The following HNRNPUL2 variants were observed in gnomAD, a reference collection of about 807,000 sequenced individuals.
HNRNPUL2 encodes the protein heterogeneous nuclear ribonucleoprotein U like 2, also known as heterogeneous nuclear ribonucleoprotein U-like protein 2.
HNRNPUL2 carries 27 observed loss-of-function variants against 102.2 expected under a neutral mutation model. The observed-to-expected ratio is 0.26, with a 90% CI of 0.19 to 0.36. HNRNPUL2 has a LOEUF of 0.36. Among genes scored for constraint, HNRNPUL2 ranks in the 10% least tolerant of loss-of-function variants. The pLI, the probability that HNRNPUL2 is intolerant of heterozygous loss-of-function variation, is 1.00. For synonymous variants in HNRNPUL2, 458 were observed against 387.2 expected (o/e 1.18, Z -2.15); for missense variants, 936 against 981.1 (o/e 0.95, Z 0.61).
chr11:62,721,946 CA>C lies in HNRNPUL2; in HGVS notation c.1360-5del, dbSNP rs994263944. ...GTAGTCCCACCATCAGAATCACCTG[CA>C]AAAAACAGAACCAGAAATATAATGA... On this transcript the variant is annotated splice_region_variant and splice_polypyrimidine_tract_variant and intron_variant, in intron 7 of 13. Coordinates refer to ENST00000301785, the MANE Select transcript of HNRNPUL2 (RefSeq NM_001079559.3). The C allele has an allele frequency of 6.2e-7, 1 of 1,609,960 alleles. No individual in the cohort carries two copies. Among genetic ancestry groups the C allele is most frequent in the East Asian group, 2.2e-5 (1 of 44,872 alleles).
chr11:62,712,710 CAG>C lies in HNRNPUL2; in HGVS notation c.*2587_*2588del, dbSNP rs998047356. The C allele has an allele frequency of 3.3e-5, 5 of 152,094 alleles. No homozygotes were observed. The highest frequency in any genetic ancestry group is 3.3e-4 in the Admixed American group (5 of 15,278). The allele number at this position is 152,094 out of a possible 1,614,324, so 9.4% of individuals were successfully genotyped here. ...TTTCGCCAGAATGGTGTAATGAGAA[CAG>C]GGGAGGAAAAAGTTACAGATGTAAA... On this transcript the variant is annotated 3_prime_UTR_variant, in exon 14 of 14. Transcript: ENST00000301785.
chr11:62,720,224 A>C (rs1175249249), intron 9 of HNRNPUL2, 33 bp from the exon 10 acceptor site: 1 of 1,601,748 alleles, frequency 6.2e-7, no homozygotes, highest in South Asian at 1.1e-5. Context: ...ATGTTTAGGA[A>C]GAAAATTATC....
chr11:62,723,694 C>T lies in HNRNPUL2; in HGVS notation c.784G>A (p.Asp262Asn). ...TSDLHFQVSK[D>N]RYGGQPLFSE... Reference sequence around the variant, plus strand: ...AAAAGTGGCTGCCCTCCATAGCGGTCTTTGCTCACTTGAAAATGCAGATCC... The same window carrying T: ...AAAAGTGGCTGCCCTCCATAGCGGTTTTTGCTCACTTGAAAATGCAGATCC... The change falls in exon 4 of 14, where the codon GAC becomes AAC. Residue 262 changes from aspartate to asparagine, a missense_variant. Around this residue, in one of 2 missense-constraint regions of HNRNPUL2, gnomAD observed 609 missense variants for 713.0 expected, o/e 0.85. Transcript: ENST00000301785. The T allele has an allele frequency of 6.2e-7, 1 of 1,614,182 alleles. No individual in the cohort carries two copies. Among genetic ancestry groups the T allele is most frequent in the Non-Finnish European group, 8.5e-7 (1 of 1,180,032 alleles).
chr11:62,726,992 C>G lies in HNRNPUL2; in HGVS notation c.165G>C (p.Gly55=). 1 of 1,360,340 alleles carries G rather than the reference C, an allele frequency of 7.4e-7. No homozygotes were observed. The highest frequency in any genetic ancestry group is 9.4e-7 in the Non-Finnish European group (1 of 1,060,894). 84.3% of individuals were successfully genotyped at this position (1,360,340 alleles called of 1,614,324 possible). ...CAGGCCGAGGCTCCGCCTTGCAGGC[C>G]CCGCCGGGCCCGGCCCCGCCGCCGC... The part of the protein sequence containing the change: ...EAGGGGAGPG[G]ACKAEPRPVA... Residue 55 remains glycine, a synonymous_variant, in exon 1 of 14, where the codon GGG becomes GGC. Transcript: ENST00000301785.
At chr11:62,726,336 C>G (rs2083746156) in intron 1 of HNRNPUL2, among the ~76,000 whole-genome samples, 1 of 152,222 alleles carries the variant, frequency 6.6e-6, no homozygotes, top group South Asian at 2.1e-4. Context: ...CCGTGGGAGA[C>G]TGTTCCACAG....
chr11:62,723,139 G>C (rs1294139574), intron 4 of HNRNPUL2, among the ~76,000 whole-genome samples: 1 of 152,234 alleles, frequency 6.6e-6, no homozygotes, highest in Non-Finnish European at 1.5e-5. Context: ...TGATTGGACA[G>C]AAGTCCAGTA....
Position 62,724,420 on chromosome 11 carries a change from T to TCATCTC in HNRNPUL2, c.539_544dup (p.Gly180_Asp181dup), listed in dbSNP as rs1178530576. The TCATCTC allele has an allele frequency of 1.2e-6, 2 of 1,614,072 alleles. No individual in the cohort carries two copies. The highest frequency in any genetic ancestry group is 1.7e-5 in the Admixed American group (1 of 59,998). ...TGGTTTTGACTTTTCACTATCCTGG[T>TCATCTC]CATCTCCTACAAAAACGAGGGAAAG... On this transcript the variant is annotated inframe_insertion, in exon 2 of 14. Transcript: ENST00000301785.
chr11:62,719,018 G>A lies in HNRNPUL2; in HGVS notation c.1780+1005C>T, dbSNP rs570808832. Among the ~76,000 whole-genome samples the A allele has an allele frequency of 1.8e-3, 269 of 152,094 alleles. 1 individual carries two copies. The highest frequency in any genetic ancestry group is 5.9e-3 in the African/African-American group (243 of 41,518). On this transcript the variant is annotated intron_variant, in intron 10 of 13. Transcript: ENST00000301785. ...TTTTTTTGTATTTTTAGTAGAGACA[G>A]GGTTTCACCATCTTGGCCAGGCTGG...
At position 62,723,628 on chromosome 11, in the gene HNRNPUL2, T is replaced by C. The variant is rs758282858; in HGVS notation, c.850A>G (p.Thr284Ala). The change falls in exon 4 of 14, where the codon ACT becomes GCT. Residue 284 changes from threonine (T) to alanine (A), a missense_variant. Transcript: ENST00000301785. ...FPTLWSGARS[T>A]YGVTKGKVCF... is the part of the protein sequence containing the mutation. ...ACTTTTCCCTTTGTCACTCCGTAAG[T>C]ACTCCTTGCCCCAGACCAAAGGGTG... is the stretch of plus-strand genomic sequence containing the variant. 3 of 1,613,902 alleles carry C rather than the reference T, an allele frequency of 1.9e-6. No homozygotes were observed. Among genetic ancestry groups the C allele is most frequent in the African/African-American group, 2.7e-5 (2 of 74,930 alleles).
chr11:62,716,883 T>C (rs2083664257), intron 11 of HNRNPUL2, 106 bp downstream of exon 11: 2 of 1,119,808 alleles, frequency 1.8e-6, no homozygotes, highest in Middle Eastern at 3.0e-4. Flanking sequence ...CACTTCCGTA[T>C]TGTTAATGAC....
At chr11:62,716,096 C>G (rs2083658219) in intron 11 of HNRNPUL2, among the ~76,000 whole-genome samples, 159 bp from the exon 12 acceptor site, 2 of 152,162 alleles carry the variant, frequency 1.3e-5, no homozygotes, top group South Asian at 2.1e-4. Context: ...CAGCCAGGAA[C>G]TTTTAAAAAG....
Position 62,720,027 on chromosome 11 carries a change from C to A in HNRNPUL2, c.1776G>T (p.Met592Ile). The A allele has an allele frequency of 6.2e-7, 1 of 1,613,988 alleles. No individual in the cohort carries two copies. The highest frequency in any genetic ancestry group is 8.5e-7 in the Non-Finnish European group (1 of 1,179,870). ...DDVPESIMLE[M>I]KANFSLPEKC... ...AAAATGGACTAAGACACCCACCTTTCATCTCCAGCATTATAGATTCAGGCA... is the reference window on the plus strand; with the variant it reads ...AAAATGGACTAAGACACCCACCTTTAATCTCCAGCATTATAGATTCAGGCA... Residue 592 changes from methionine (M) to isoleucine (I), a missense_variant, in exon 10 of 14, where the codon ATG becomes ATT. By Grantham distance (10) the Met-to-Ile change is conservative. Coordinates refer to ENST00000301785, the MANE Select transcript of HNRNPUL2 (RefSeq NM_001079559.3).
At position 62,715,522 on chromosome 11, in the gene HNRNPUL2, T is replaced by C. The variant is rs770686999; in HGVS notation, c.2141A>G (p.Tyr714Cys). 3.1e-6 allele frequency: 5 copies of C among 1,611,730 alleles called. No homozygotes were observed. Among genetic ancestry groups the C allele is most frequent in the Admixed American group, 3.3e-5 (2 of 59,992 alleles). Residue 714 changes from tyrosine to cysteine, a missense_variant, in exon 13 of 14, where the codon TAT (tyrosine) becomes TGT (cysteine). By Grantham distance (194) the Tyr-to-Cys change is radical. Around this residue, in one of 2 missense-constraint regions of HNRNPUL2, gnomAD observed 609 missense variants for 713.0 expected, o/e 0.85. Transcript: ENST00000301785. ...RDYEYNRYRD[Y>C]YRQYNRDWQS... ...CACATCCCGATTGTATTGTCTGTAA[T>C]AGTCTCTGTATCTGTTGTACTCATA...
chr11:62,721,534 T>C (rs1308078289), intron 8 of HNRNPUL2, 111 bp from the exon 9 acceptor site: 2 of 1,017,654 alleles, frequency 2.0e-6, no homozygotes, highest in South Asian at 1.6e-5. Context: ...GAATCTATGA[T>C]ATCACTCTAT....
rs1565165246 is a variant in HNRNPUL2 at position 62,726,894 on chromosome 11, G to GCCTCCTCGT, written c.254_262dup (p.Asp85_Glu87dup). 1.9e-6 allele frequency: 3 copies of GCCTCCTCGT among 1,566,264 alleles called. No individual in the cohort carries two copies. Among genetic ancestry groups the GCCTCCTCGT allele is most frequent in the South Asian group, 1.1e-5 (1 of 87,078 alleles). The stretch of plus-strand genomic sequence containing the variant: ...CTCCTCGTCCTCGTCCTCAAGCAGC[G>GCCTCCTCGT]CCTCCTCGTCCTCCTCCTCCTCCTC... On this transcript the variant is annotated inframe_insertion, in exon 1 of 14. Coordinates refer to ENST00000301785, the MANE Select transcript of HNRNPUL2 (RefSeq NM_001079559.3).
At position 62,726,740 on chromosome 11, in the gene HNRNPUL2, G is replaced by A. The variant is rs756704446; in HGVS notation, c.417C>T (p.Gly139=). The stretch of plus-strand genomic sequence containing the variant: ...CCTGCTCTTCGCCACCATTTACCCC[G>A]CCTGACCCGGCCGTGGCCTCCGCCG... ...EKPAEATAGS[G]GVNGGEEQGL... is the part of the protein sequence containing the mutation. The change falls in exon 1 of 14, where the codon GGC becomes GGT. Residue 139 remains glycine (G), a synonymous_variant. Transcript: ENST00000301785. 5.6e-5 allele frequency: 89 copies of A among 1,600,874 alleles called. No individual in the cohort carries two copies. The highest frequency in any genetic ancestry group is 9.9e-5 in the South Asian group (9 of 91,038).
rs756200435 is a variant in HNRNPUL2 at position 62,720,194 on chromosome 11, A to G, written c.1612-3T>C. ...TGGCCAGAATTGTACACATTACACT[A>G]AGAACAGGAGGAATAACTGATGTTT... On this transcript the variant is annotated splice_polypyrimidine_tract_variant and splice_region_variant and intron_variant, in intron 9 of 13. Coordinates refer to ENST00000301785, the MANE Select transcript of HNRNPUL2 (RefSeq NM_001079559.3). 6.2e-7 allele frequency: 1 copy of G among 1,612,908 alleles called. No homozygotes were observed. Among genetic ancestry groups the G allele is most frequent in the Non-Finnish European group, 8.5e-7 (1 of 1,178,932 alleles).
At position 62,715,311 on chromosome 11, in the gene HNRNPUL2, T is replaced by C. The variant is rs1590894038; in HGVS notation, c.2232A>G (p.Gln744=). 6.2e-7 allele frequency: 1 copy of C among 1,612,190 alleles called. No individual in the cohort carries two copies. The highest frequency in any genetic ancestry group is 1.3e-5 in the African/African-American group (1 of 74,552). ...DRYYRNYYGY[Q]GYR ...CATGGCAGGGGCTTCACCGATACCC[T>C]TGGTACCCGTAGTAATTCCTGTAGT... Residue 744 remains glutamine (Q), a synonymous_variant, in exon 14 of 14, where the codon CAA becomes CAG. Transcript: ENST00000301785.
Position 62,726,883 on chromosome 11 carries a change from C to T in HNRNPUL2, c.274G>A (p.Asp92Asn), listed in dbSNP as rs1263191875. The change falls in exon 1 of 14, where the codon GAC (aspartate) becomes AAC (asparagine). Residue 92 changes from aspartate (D) to asparagine (N), a missense_variant. By Grantham distance (23) the Asp-to-Asn change is conservative (BLOSUM62 1). Transcript: ENST00000301785. ...EEEDEEALLEDEDEEPPPAQA... is the reference protein window; with the variant it reads ...EEEDEEALLENEDEEPPPAQA... Reference sequence around the variant, plus strand: ...GCAGGGGGTGGCTCCTCGTCCTCGTCCTCAAGCAGCGCCTCCTCGTCCTCC... The same window carrying T: ...GCAGGGGGTGGCTCCTCGTCCTCGTTCTCAAGCAGCGCCTCCTCGTCCTCC... 3.8e-6 allele frequency: 6 copies of T among 1,576,678 alleles called. No individual in the cohort carries two copies. The highest frequency in any genetic ancestry group is 3.4e-6 in the Non-Finnish European group (4 of 1,170,682).
Sources: allele counts gnomAD v4.1 joint callset (sites outside exome capture counted in the v4.1 genomes callset), GRCh38; gene constraint gnomAD v4.1.1; regional missense constraint gnomAD v4.1.1; transcripts MANE v1.5; gene names NCBI Gene and HGNC (gene_info 2026-07-23, HGNC 2026-07-21).